Variants in NELL1 observed in about 807,000 individuals in gnomAD.
NELL1 encodes protein kinase C-binding protein NELL1.
Under a neutral mutation model 107.4 loss-of-function variants are expected in NELL1, and 76 were observed. The ratio of observed to expected loss-of-function variants is 0.71; its 90% CI spans 0.59 to 0.86. The LOEUF (loss-of-function observed/expected upper bound fraction) is 0.86. NELL1 is among the 40% of genes least tolerant of loss of function. The pLI is 0.00. For missense variants in NELL1, 1,024 were observed against 1,005.5 expected (o/e 1.02, Z -0.25); for synonymous variants, 353 against 341.2 (o/e 1.03, Z -0.38).
chr11:21,098,908 C>T (rs1222458162), intron 12 of NELL1, among the ~76,000 whole-genome samples: 2 of 151,896 alleles, frequency 1.3e-5, no homozygotes, highest in Non-Finnish European at 2.9e-5. Flanking sequence ...CTGAGTTAGA[C>T]ATCAACATAT....
chr11:21,110,293 A>G (rs1855076117), intron 12 of NELL1, among the ~76,000 whole-genome samples: 1 of 152,188 alleles, frequency 6.6e-6, no homozygotes, highest in Non-Finnish European at 1.5e-5. Context: ...TCAGCAGAGC[A>G]TCAGGGACGT....
chr11:21,517,110 C>T (rs1473215375), intron 15 of NELL1, among the ~76,000 whole-genome samples: 1 of 152,094 alleles, frequency 6.6e-6, no homozygotes, highest in African/African-American at 2.4e-5. Flanking sequence ...CTTTAAACAG[C>T]TGTTGAATTG....
intron 5 of NELL1, among the ~76,000 whole-genome samples, chr11:20,915,717 A>ATATATATATATATTT: frequency 8.6e-5 from 5 of 58,220 alleles, no homozygotes; most frequent in African/African-American, 3.5e-4. Flanking sequence ...ATATATATAT[A>ATATATATATATATTT]TTTTTTTTTT....
rs115982750 is a variant in NELL1, at chr11:21,347,167, G to A, written c.1550-23686G>A. ...ATCCTAGGTCATGCAAGGCATTTCC[G>A]AGGAGTTGACATTTGAGTGGAGAAG... On this transcript the variant is annotated intron_variant, in intron 14 of 19. Coordinates refer to ENST00000357134, the MANE Select transcript of NELL1 (RefSeq NM_006157.5). Among the ~76,000 whole-genome samples the A allele has an allele frequency of 4.2e-3, 647 of 152,280 alleles. 2 individuals carry two copies. The highest frequency in any genetic ancestry group is 0.015 in the African/African-American group (624 of 41,558).
At chr11:20,877,117 A>G (rs1849320212) in intron 4 of NELL1, among the ~76,000 whole-genome samples, 1 of 152,186 alleles carries the variant, frequency 6.6e-6, no homozygotes, top group Admixed American at 6.5e-5. Context: ...ATGGGAATGA[A>G]CTTATGTTCT....
chr11:21,092,347 T>C (rs143273065), intron 12 of NELL1, among the ~76,000 whole-genome samples: 176 of 152,280 alleles, frequency 1.2e-3, no homozygotes, highest in African/African-American at 4.1e-3. Flanking sequence ...AGGTTTTGGC[T>C]GTACAGTCTT....
intron 14 of NELL1, among the ~76,000 whole-genome samples, chr11:21,261,592 G>C (rs1454896274): frequency 2.0e-5 from 3 of 151,722 alleles, no homozygotes; most frequent in African/African-American, 7.3e-5. Flanking sequence ...AGGAAACAGA[G>C]GCAGAGAGCG....
At chr11:21,444,818 T>C (rs551768453) in intron 15 of NELL1, among the ~76,000 whole-genome samples, 1 of 152,294 alleles carries the variant, frequency 6.6e-6, no homozygotes, top group South Asian at 2.1e-4. Flanking sequence ...TACTAGCTCT[T>C]ATTTGTTCTT....
At chr11:20,973,221 G>C (rs1239222410) in intron 12 of NELL1, among the ~76,000 whole-genome samples, 1 of 149,802 alleles carries the variant, frequency 6.7e-6, no homozygotes, top group African/African-American at 2.5e-5. Context: ...TGATTCTCCG[G>C]CCTCAGCCTC....
intron 4 of NELL1, among the ~76,000 whole-genome samples, chr11:20,865,203 T>G (rs1405098867): frequency 6.6e-6 from 1 of 152,196 alleles, no homozygotes; most frequent in Admixed American, 6.5e-5. Context: ...TGAAGACGAA[T>G]ACAACTTTTG....
At chr11:20,887,548 G>A (rs919189587) in intron 5 of NELL1, among the ~76,000 whole-genome samples, 1 of 152,184 alleles carries the variant, frequency 6.6e-6, no homozygotes, top group Non-Finnish European at 1.5e-5. Flanking sequence ...ATGCGTGACT[G>A]AGTGTTGGAA....
intron 12 of NELL1, among the ~76,000 whole-genome samples, chr11:20,995,054 T>C (rs1251862629): frequency 6.6e-6 from 1 of 152,098 alleles, no homozygotes; most frequent in Non-Finnish European, 1.5e-5. Flanking sequence ...ACTCCTCACC[T>C]GCATGATGTT....
At chr11:20,837,427 T>TAC (rs1296818099) in intron 3 of NELL1, among the ~76,000 whole-genome samples, 1 of 152,160 alleles carries the variant, frequency 6.6e-6, no homozygotes, top group Non-Finnish European at 1.5e-5. Context: ...CTGATTGTTA[T>TAC]ACACACACAT....
intron 5 of NELL1, among the ~76,000 whole-genome samples, chr11:20,885,842 A>G (rs183265417): frequency 2.0e-5 from 3 of 152,358 alleles, no homozygotes; most frequent in African/African-American, 7.2e-5. Context: ...CAGAAGGCAA[A>G]TGATCCTCAA....
chr11:21,057,564 T>C (rs555960714), intron 12 of NELL1, among the ~76,000 whole-genome samples: 2 of 151,934 alleles, frequency 1.3e-5, no homozygotes, highest in African/African-American at 2.4e-5. Context: ...AACAAGAAAC[T>C]GGTCAAATGT....
intron 15 of NELL1, 82 bp from the exon 16 acceptor site, chr11:21,534,292 G>A: frequency 9.3e-6 from 14 of 1,500,974 alleles, no homozygotes; most frequent in East Asian, 2.3e-5. Flanking sequence ...ATGTTGACAT[G>A]AGCATGTTTT....
Position 21,270,880 on chromosome 11 carries a change from C to G in NELL1, c.1549+41426C>G, listed in dbSNP as rs375914758. Among the ~76,000 whole-genome samples, 5 of 152,136 alleles carry G rather than the reference C, an allele frequency of 3.3e-5. No homozygotes were observed. The East Asian group carries it at 9.6e-4, about 29-fold the overall frequency. ...ATGGAAATCAATAACAGCTGGAGAA[C>G]TCCAAAATTATTGGGGATTAAACAA... On this transcript the variant is annotated intron_variant, in intron 14 of 19. Coordinates refer to ENST00000357134, the MANE Select transcript of NELL1 (RefSeq NM_006157.5).
At chr11:20,963,744 G>A (rs1851335500) in intron 12 of NELL1, among the ~76,000 whole-genome samples, 1 of 152,106 alleles carries the variant, frequency 6.6e-6, no homozygotes, top group Non-Finnish European at 1.5e-5. Flanking sequence ...CTTGAAGCAA[G>A]TTATTTTTAC....
chr11:21,458,922 A>G (rs905522009), intron 15 of NELL1, among the ~76,000 whole-genome samples: 4 of 81,718 alleles, frequency 4.9e-5, no homozygotes, highest in Admixed American at 1.3e-4. Flanking sequence ...AACTCACAAT[A>G]TTAATATTTA....
Sources: gnomAD v4.1 joint callset for allele counts (sites outside exome capture counted in the v4.1 genomes callset) on GRCh38, gnomAD v4.1.1 for gene constraint, MANE v1.5 for transcripts, NCBI Gene and HGNC (gene_info 2026-07-23, HGNC 2026-07-21) for gene names.